Variants in PELI2 observed in about 807,000 individuals in gnomAD.
PELI2 encodes pellino E3 ubiquitin protein ligase family member 2.
Under a neutral mutation model 42.3 loss-of-function variants are expected in PELI2, and 23 were observed. The observed-to-expected ratio is 0.54, with a 90% CI of 0.39 to 0.77. The LOEUF (loss-of-function observed/expected upper bound fraction) is 0.77. Among genes scored for constraint, PELI2 ranks in the 30% least tolerant of loss-of-function variants. The pLI, the probability that PELI2 is intolerant of heterozygous loss-of-function variation, is 0.00. For synonymous variants in PELI2, 245 were observed against 212.2 expected (o/e 1.15, Z -1.34); for missense variants, 463 against 553.2 (o/e 0.84, Z 1.64).
intron 2 of PELI2, among the ~76,000 whole-genome samples, chr14:56,239,234 C>T (rs1342745143): frequency 6.6e-6 from 1 of 152,124 alleles, no homozygotes; most frequent in Non-Finnish European, 1.5e-5. Context: ...AAACAGTTGC[C>T]TTTGTGAGTT....
Position 56,238,814 on chromosome 14 carries a change from G to A in PELI2, c.208-40862G>A, listed in dbSNP as rs557968398. Reference sequence around the variant, plus strand: ...ATATTTGACAGAGATGTTTAACCAGGAGGATTTGTGGGTTAAAGTTATCTT... The same window carrying A: ...ATATTTGACAGAGATGTTTAACCAGAAGGATTTGTGGGTTAAAGTTATCTT... On this transcript the variant is annotated intron_variant, in intron 2 of 5. Coordinates refer to ENST00000267460, the MANE Select transcript of PELI2 (RefSeq NM_021255.3). 1.1e-3 allele frequency among the ~76,000 whole-genome samples: 171 copies of A among 152,270 alleles called. No individual in the cohort carries two copies. The Middle Eastern group carries it at 0.014, about 12-fold the overall frequency.
At position 56,121,831 on chromosome 14, in the gene PELI2, C is replaced by T. The variant is rs189302492; in HGVS notation, c.77+3094C>T. Among the ~76,000 whole-genome samples, 103 of 152,244 alleles carry T rather than the reference C, an allele frequency of 6.8e-4. 2 individuals carry two copies. Among genetic ancestry groups the T allele is most frequent in the Non-Finnish European group, 1.2e-4 (8 of 68,018 alleles). On this transcript the variant is annotated intron_variant, in intron 1 of 5. Coordinates refer to ENST00000267460, the MANE Select transcript of PELI2 (RefSeq NM_021255.3). ...TGTGCTCAGTAATTCTGTTCATTGG[C>T]GCAAATGTAGAAACTATTTAGTTAC...
intron 1 of PELI2, among the ~76,000 whole-genome samples, chr14:56,139,734 C>A (rs1393097426): frequency 6.6e-6 from 1 of 151,860 alleles, no homozygotes; most frequent in Non-Finnish European, 1.5e-5. Context: ...ATTCTGCTAT[C>A]CAGTGAGACT....
At chr14:56,190,198 C>G (rs533664637) in intron 2 of PELI2, among the ~76,000 whole-genome samples, 6 of 152,106 alleles carry the variant, frequency 3.9e-5, no homozygotes, top group African/African-American at 1.4e-4. Context: ...GCAGTTTTTC[C>G]CAGCATTAAA....
intron 2 of PELI2, among the ~76,000 whole-genome samples, chr14:56,185,186 G>T (rs1566625785): frequency 6.6e-6 from 1 of 151,990 alleles, no homozygotes; most frequent in Non-Finnish European, 1.5e-5. Flanking sequence ...TCAAGAATTG[G>T]CTGTTACTAA....
intron 1 of PELI2, among the ~76,000 whole-genome samples, chr14:56,161,998 G>A (rs1033265802): frequency 6.6e-6 from 1 of 151,970 alleles, no homozygotes; most frequent in Non-Finnish European, 1.5e-5. Context: ...AATTTTGGTG[G>A]GTGCACAGTA....
rs922196318 is a variant in PELI2 at position 56,298,404 on chromosome 14, G to T, written c.*1238G>T. The T allele has an allele frequency of 6.6e-6, 1 of 152,410 alleles. No individual in the cohort carries two copies. Among genetic ancestry groups the T allele is most frequent in the African/African-American group, 2.4e-5 (1 of 41,426 alleles). 9.4% of individuals were successfully genotyped at this position (152,410 alleles called of 1,614,324 possible). ...ATTCCTGTTACTTTCATTTCATTTT[G>T]ATTAATAATTCTTGGATGCTTGGCA... On this transcript the variant is annotated 3_prime_UTR_variant, in exon 6 of 6. Transcript: ENST00000267460.
At position 56,288,790 on chromosome 14, in the gene PELI2, T is replaced by C. The variant is rs932650961; in HGVS notation, c.507+156T>C. On this transcript the variant is annotated intron_variant, in intron 4 of 5. Coordinates refer to ENST00000267460, the MANE Select transcript of PELI2 (RefSeq NM_021255.3). The surrounding 1 kb of genome is among the most constrained non-coding windows in gnomAD (Gnocchi z 4.6). ...GGTGGCCAGTTTGAGAAACTTGTTA[T>C]TAAAAATCTGAACATTAATAAGCAT... is the stretch of plus-strand genomic sequence containing the variant. 1.3e-5 allele frequency among the ~76,000 whole-genome samples: 2 copies of C among 152,240 alleles called. No homozygotes were observed. The highest frequency in any genetic ancestry group is 4.8e-5 in the African/African-American group (2 of 41,456).
chr14:56,163,784 G>A (rs571289404), intron 1 of PELI2, among the ~76,000 whole-genome samples: 4 of 152,006 alleles, frequency 2.6e-5, no homozygotes, highest in African/African-American at 9.6e-5. Flanking sequence ...CACTTGACTC[G>A]TTAATTCCTA....
At chr14:56,225,416 G>A (rs1181889133) in intron 2 of PELI2, among the ~76,000 whole-genome samples, 1 of 152,206 alleles carries the variant, frequency 6.6e-6, no homozygotes, top group African/African-American at 2.4e-5. Flanking sequence ...CAGATGTGGA[G>A]GATGAGGAGC....
In PELI2 at chr14:56,130,685, A is replaced by AT. The variant is rs1249096936; in HGVS notation, c.77+11949dup. On this transcript the variant is annotated intron_variant, in intron 1 of 5. Transcript: ENST00000267460. The stretch of plus-strand genomic sequence containing the variant: ...TTTGAGGAAATAAAAATGAATCCTT[A>AT]TATCTTCCCTATTTACCTGAATATA... Among the ~76,000 whole-genome samples, 4 of 152,140 alleles carry AT rather than the reference A, an allele frequency of 2.6e-5. No homozygotes were observed. The South Asian group carries it at 8.3e-4, about 31-fold the overall frequency.
chr14:56,273,470 A>C lies in PELI2; in HGVS notation c.208-6206A>C, dbSNP rs751773293. On this transcript the variant is annotated intron_variant, in intron 2 of 5. Coordinates refer to ENST00000267460, the MANE Select transcript of PELI2 (RefSeq NM_021255.3). The surrounding 1 kb of genome is among the most constrained non-coding windows in gnomAD (Gnocchi z 4.3). ...AAAAGCATCTTCAGGACAGAAAGTT[A>C]AGGGCTGCAAAAAAGCTGATTATAA... 3.9e-5 allele frequency among the ~76,000 whole-genome samples: 6 copies of C among 152,248 alleles called. No homozygotes were observed. The highest frequency in any genetic ancestry group is 7.3e-5 in the Non-Finnish European group (5 of 68,044).
chr14:56,153,847 G>A (rs567105696), intron 1 of PELI2, among the ~76,000 whole-genome samples: 2 of 152,190 alleles, frequency 1.3e-5, no homozygotes, highest in South Asian at 4.1e-4. Context: ...GTGAATGTAG[G>A]TATTTAACAA....
At chr14:56,249,249 G>C (rs1888263645) in intron 2 of PELI2, among the ~76,000 whole-genome samples, 1 of 152,128 alleles carries the variant, frequency 6.6e-6, no homozygotes, top group Non-Finnish European at 1.5e-5. Context: ...GCAGGGATAG[G>C]GGTGGGAGAG....
At chr14:56,195,977 A>T (rs906023700) in intron 2 of PELI2, among the ~76,000 whole-genome samples, 1 of 152,186 alleles carries the variant, frequency 6.6e-6, no homozygotes, top group Non-Finnish European at 1.5e-5. Flanking sequence ...TAACTGCAAA[A>T]TGTCAGTTTA....
chr14:56,278,820 GTTATAC>G (rs565801720), intron 2 of PELI2, among the ~76,000 whole-genome samples: 17 of 152,030 alleles, frequency 1.1e-4, no homozygotes, highest in Non-Finnish European at 2.9e-5. Context: ...TTAAAATTTT[GTTATAC>G]TTAATGTAAA....
intron 2 of PELI2, among the ~76,000 whole-genome samples, chr14:56,224,439 G>A (rs1215580497): frequency 6.6e-6 from 1 of 152,172 alleles, no homozygotes; most frequent in Non-Finnish European, 1.5e-5. Flanking sequence ...TTGCCCTCTG[G>A]TGTCTTTTTA....
chr14:56,261,918 A>G (rs766150834), intron 2 of PELI2, among the ~76,000 whole-genome samples: 8 of 152,220 alleles, frequency 5.3e-5, no homozygotes, highest in Non-Finnish European at 8.8e-5. Flanking sequence ...AAATATATTG[A>G]CTGAAGATTG....
At chr14:56,225,696 C>G (rs1887327219) in intron 2 of PELI2, among the ~76,000 whole-genome samples, 1 of 152,152 alleles carries the variant, frequency 6.6e-6, no homozygotes, top group Admixed American at 6.5e-5. Flanking sequence ...GTACTTCTCC[C>G]TCGGTTTTCC....
Sources: gnomAD v4.1 joint callset for allele counts (sites outside exome capture counted in the v4.1 genomes callset) on GRCh38, gnomAD v4.1.1 for gene constraint, Gnocchi (gnomAD v3.1) non-coding constraint, MANE v1.5 for transcripts, NCBI Gene and HGNC (gene_info 2026-07-23, HGNC 2026-07-21) for gene names.